CSMD1: variants seen among roughly 807,000 people sequenced by gnomAD.
The protein encoded by CSMD1 is CUB and Sushi multiple domains 1.
In CSMD1, 213 loss-of-function variants were observed where a neutral mutation model predicts 417.5. The ratio of observed to expected loss-of-function variants is 0.51; its 90% confidence interval spans 0.46 to 0.57. The LOEUF (loss-of-function observed/expected upper bound fraction) is 0.57. Ranked by LOEUF, CSMD1 falls within the 20% of genes least tolerant of loss-of-function variation. CSMD1 has a pLI of 0.00. For missense variants in CSMD1, 6,923 were observed against 4,529.7 expected, an observed-to-expected ratio of 1.53 and a Z score of -15.17; for synonymous variants, 2,862 against 1,736.8, an observed-to-expected ratio of 1.65 and a Z score of -16.11.
intron 4 of CSMD1, among the ~76,000 whole-genome samples, chr8:4,023,951 A>T (rs1371481350): frequency 1.3e-5 from 2 of 151,662 alleles, no homozygotes; most frequent in Non-Finnish European, 2.9e-5. Flanking sequence ...GACTTTAGAT[A>T]CATTAAGAGC....
At chr8:3,782,302 T>G (rs1053780111) in intron 5 of CSMD1, among the ~76,000 whole-genome samples, 2 of 152,192 alleles carry the variant, frequency 1.3e-5, no homozygotes, top group Non-Finnish European at 2.9e-5. Context: ...ATTTCCATGC[T>G]AACCATACTT....
At chr8:3,226,500 T>C (rs1047627572) in intron 27 of CSMD1, among the ~76,000 whole-genome samples, 3 of 150,986 alleles carry the variant, frequency 2.0e-5, no homozygotes, top group Admixed American at 1.3e-4. Flanking sequence ...GGAGAATCGC[T>C]TGAACCTGGG....
chr8:3,277,382 A>G (rs1310070333), intron 26 of CSMD1, among the ~76,000 whole-genome samples: 3 of 152,184 alleles, frequency 2.0e-5, no homozygotes, highest in African/African-American at 7.2e-5. Flanking sequence ...TGCATGAAGA[A>G]GGAAGCCCGT....
intron 5 of CSMD1, among the ~76,000 whole-genome samples, chr8:3,948,020 A>G (rs1015378040): frequency 6.6e-6 from 1 of 152,212 alleles, no homozygotes; most frequent in Non-Finnish European, 1.5e-5. Flanking sequence ...AGCCTGGCCA[A>G]CATGGTAAAA....
chr8:4,738,456 C>A (rs369345628), intron 1 of CSMD1, among the ~76,000 whole-genome samples: 1 of 152,072 alleles, frequency 6.6e-6, no homozygotes, highest in Admixed American at 6.6e-5. Flanking sequence ...ACCATCAGAT[C>A]TCATGAGAAC....
At chr8:3,570,840 T>G (rs764216687) in intron 10 of CSMD1, among the ~76,000 whole-genome samples, 26 of 152,194 alleles carry the variant, frequency 1.7e-4, no homozygotes, top group Non-Finnish European at 3.2e-4. Flanking sequence ...TTCCGGGATC[T>G]TGACTTCCTC....
intron 4 of CSMD1, among the ~76,000 whole-genome samples, chr8:4,026,837 C>G (rs1432730033): frequency 1.3e-5 from 2 of 152,174 alleles, no homozygotes; most frequent in African/African-American, 2.4e-5. Context: ...CAGGGAGACT[C>G]TGTGGCAGTG....
At chr8:3,069,540 G>C (rs933830370) in intron 49 of CSMD1, among the ~76,000 whole-genome samples, 1 of 152,102 alleles carries the variant, frequency 6.6e-6, no homozygotes, top group Admixed American at 6.5e-5. Flanking sequence ...AACTTCCTTT[G>C]ACTCTGTCTT....
At chr8:4,703,836 C>T (rs535492251) in intron 1 of CSMD1, among the ~76,000 whole-genome samples, 81 of 152,186 alleles carry the variant, frequency 5.3e-4, no homozygotes, top group African/African-American at 1.8e-3. Flanking sequence ...GCACCAGGGA[C>T]CAGTTCTCTG....
At chr8:4,380,898 T>C (rs1218871874) in intron 3 of CSMD1, among the ~76,000 whole-genome samples, 1 of 152,156 alleles carries the variant, frequency 6.6e-6, no homozygotes, top group African/African-American at 2.4e-5. Context: ...GTAGTAATAA[T>C]ATTATTGTTT....
At chr8:3,192,674 A>T (rs1224161627) in intron 33 of CSMD1, among the ~76,000 whole-genome samples, 1 of 152,212 alleles carries the variant, frequency 6.6e-6, no homozygotes, top group Non-Finnish European at 1.5e-5. Context: ...TGAAATACAA[A>T]TACAATATTT....
chr8:4,436,516 T>A (rs181196059), intron 2 of CSMD1, among the ~76,000 whole-genome samples: 1 of 152,302 alleles, frequency 6.6e-6, no homozygotes, highest in Admixed American at 6.5e-5. Flanking sequence ...CTCAAACATT[T>A]ATCCTTCAAG....
intron 4 of CSMD1, among the ~76,000 whole-genome samples, chr8:4,005,788 T>C (rs1816064148): frequency 1.3e-5 from 2 of 152,184 alleles, no homozygotes; most frequent in South Asian, 4.1e-4. Context: ...ATAATTAGTG[T>C]CAGAATCTCA....
At chr8:4,353,634 G>C (rs963995938) in intron 3 of CSMD1, among the ~76,000 whole-genome samples, 1 of 151,784 alleles carries the variant, frequency 6.6e-6, no homozygotes, top group Non-Finnish European at 1.5e-5. Context: ...CACGCCCAAC[G>C]GGACAGGCTA....
At chr8:4,065,325 A>C (rs941140634) in intron 3 of CSMD1, among the ~76,000 whole-genome samples, 2 of 152,236 alleles carry the variant, frequency 1.3e-5, no homozygotes, top group African/African-American at 4.8e-5. Context: ...TTTTACATTT[A>C]ACCAGAATAA....
intron 2 of CSMD1, among the ~76,000 whole-genome samples, chr8:4,515,088 C>A (rs563763377): frequency 6.6e-6 from 1 of 152,166 alleles, no homozygotes; most frequent in Non-Finnish European, 1.5e-5. Flanking sequence ...ATAATCCATT[C>A]TTTGTACGAT....
At chr8:4,378,373 T>C (rs900492809) in intron 3 of CSMD1, among the ~76,000 whole-genome samples, 7 of 152,236 alleles carry the variant, frequency 4.6e-5, no homozygotes, top group African/African-American at 1.2e-4. Context: ...TCATGAGAAA[T>C]TAGCTCACTC....
intron 3 of CSMD1, among the ~76,000 whole-genome samples, chr8:4,079,117 C>T (rs768484300): frequency 9.2e-5 from 14 of 151,536 alleles, no homozygotes; most frequent in Non-Finnish European, 1.6e-4. Flanking sequence ...GTGTTTGAGA[C>T]AATTTTTATT....
chr8:4,516,283 A>G (rs1301057181), intron 2 of CSMD1, among the ~76,000 whole-genome samples: 2 of 152,146 alleles, frequency 1.3e-5, no homozygotes, highest in African/African-American at 4.8e-5. Context: ...AGGAGAAACC[A>G]ACCCCACTGA....
Sources: allele counts gnomAD v4.1 joint callset (sites outside exome capture counted in the v4.1 genomes callset), GRCh38; gene constraint gnomAD v4.1.1; transcripts MANE v1.5; gene names NCBI Gene and HGNC (gene_info 2026-07-23, HGNC 2026-07-21).